PXDNL: variants seen among roughly 807,000 people sequenced by gnomAD.
PXDNL encodes probable oxidoreductase PXDNL.
A neutral mutation model predicts 150.8 loss-of-function variants in PXDNL; 145 were observed. That is an observed-to-expected ratio of 0.96 (90% confidence interval 0.84 to 1.10). The LOEUF is 1.10. Among genes scored for constraint, PXDNL ranks in the 50% least tolerant of loss-of-function variants. The pLI, the probability that PXDNL is intolerant of heterozygous loss-of-function variation, is 0.00. For missense variants in PXDNL, 2,087 were observed against 1,873.9 expected (o/e 1.11, Z -2.10); for synonymous variants, 757 against 725.7 (o/e 1.04, Z -0.69).
intron 5 of PXDNL, among the ~76,000 whole-genome samples, chr8:51,499,379 C>T (rs1245408674): frequency 3.3e-5 from 5 of 152,178 alleles, no homozygotes; most frequent in Admixed American, 2.6e-4. Context: ...GATCCGCCCA[C>T]CTCGGCCTCC....
rs190220168 is a variant in PXDNL, at chr8:51,595,598, T to C, written c.237-2900A>G. Among the ~76,000 whole-genome samples the C allele has an allele frequency of 4.3e-4, 65 of 152,292 alleles. No homozygotes were observed. In the East Asian group the frequency reaches 0.011, roughly 25 times the overall value. ...GGATACTCCAGAAATATGGTTCTGCTACTGTTAACATGAAAGGGTTGTGAA... is the reference window on the plus strand; with the variant it reads ...GGATACTCCAGAAATATGGTTCTGCCACTGTTAACATGAAAGGGTTGTGAA... On this transcript the variant is annotated intron_variant, in intron 2 of 22. Coordinates refer to ENST00000356297, the MANE Select transcript of PXDNL (RefSeq NM_144651.5).
intron 17 of PXDNL, among the ~76,000 whole-genome samples, chr8:51,376,589 T>C (rs1049228194): frequency 1.3e-5 from 2 of 152,188 alleles, no homozygotes; most frequent in African/African-American, 4.8e-5. Flanking sequence ...TTCCTATGCA[T>C]TTCACGAAAC....
intron 10 of PXDNL, among the ~76,000 whole-genome samples, chr8:51,451,798 A>T (rs1442109105): frequency 6.6e-6 from 1 of 152,206 alleles, no homozygotes; most frequent in Non-Finnish European, 1.5e-5. Context: ...TACATCTTAA[A>T]ATGTTTCATC....
chr8:51,745,367 CAAAT>C (rs2036971624), intron 1 of PXDNL, among the ~76,000 whole-genome samples: 1 of 152,136 alleles, frequency 6.6e-6, no homozygotes, highest in African/African-American at 2.4e-5. Context: ...ATCCAACAAA[CAAAT>C]AACAACAAAA....
intron 12 of PXDNL, among the ~76,000 whole-genome samples, chr8:51,428,223 A>T (rs1351590091): frequency 6.6e-6 from 1 of 152,180 alleles, no homozygotes; most frequent in Non-Finnish European, 1.5e-5. Flanking sequence ...TCAAAGATTT[A>T]AAAAAATGAA....
At position 51,766,718 on chromosome 8, in the gene PXDNL, CTTTA is replaced by C. The variant is rs528415877; in HGVS notation, c.164+42459_164+42462del. ...CAGCTATTAGTTTTATTGAGGATTA[CTTTA>C]TTTGTGATGCATCTTTTTTTTAAAA... On this transcript the variant is annotated intron_variant, in intron 1 of 22. Coordinates refer to ENST00000356297, the MANE Select transcript of PXDNL (RefSeq NM_144651.5). Among the ~76,000 whole-genome samples the C allele has an allele frequency of 6.0e-5, 9 of 151,228 alleles. No individual in the cohort carries two copies. The South Asian group carries it at 1.9e-3, about 32-fold the overall frequency.
intron 1 of PXDNL, among the ~76,000 whole-genome samples, chr8:51,763,022 T>G (rs1239680150): frequency 5.3e-5 from 8 of 152,138 alleles, no homozygotes; most frequent in Non-Finnish European, 7.4e-5. Flanking sequence ...TGTACAACCA[T>G]CACCACCACC....
At position 51,499,687 on chromosome 8, in the gene PXDNL, G is replaced by T; in HGVS notation, c.452+12C>A. 2.5e-6 allele frequency: 4 copies of T among 1,583,714 alleles called. No homozygotes were observed. The highest frequency in any genetic ancestry group is 3.5e-6 in the Non-Finnish European group (4 of 1,152,528). On this transcript the variant is annotated intron_variant, in intron 5 of 22. Coordinates refer to ENST00000356297, the MANE Select transcript of PXDNL (RefSeq NM_144651.5). ...AGCAGAAGCAAAGGACATCTAAAGG[G>T]TCAACACTTACAGTCGCTCTAATCT...
intron 1 of PXDNL, among the ~76,000 whole-genome samples, chr8:51,655,112 T>C (rs914054534): frequency 2.0e-5 from 3 of 152,224 alleles, no homozygotes; most frequent in Non-Finnish European, 4.4e-5. Context: ...TGAGTACATT[T>C]AGTTTGGAAA....
intron 3 of PXDNL, among the ~76,000 whole-genome samples, chr8:51,577,206 C>A (rs1216722875): frequency 1.3e-5 from 2 of 151,666 alleles, no homozygotes; most frequent in African/African-American, 2.4e-5. Flanking sequence ...AAGGAAACAA[C>A]ATATCAATAA....
intron 1 of PXDNL, among the ~76,000 whole-genome samples, chr8:51,668,980 T>C (rs1200998820): frequency 1.3e-5 from 2 of 152,066 alleles, no homozygotes; most frequent in Non-Finnish European, 1.5e-5. Context: ...TTGGAGAAAA[T>C]AAATATTAAT....
chr8:51,339,333 G>A (rs796514345), intron 21 of PXDNL, among the ~76,000 whole-genome samples: 6 of 152,258 alleles, frequency 3.9e-5, no homozygotes, highest in East Asian at 1.9e-4. Flanking sequence ...AGTGACGGAC[G>A]CCTGTAATCC....
intron 1 of PXDNL, among the ~76,000 whole-genome samples, chr8:51,719,976 A>T (rs1467624116): frequency 1.3e-5 from 2 of 152,110 alleles, no homozygotes; most frequent in African/African-American, 4.8e-5. Flanking sequence ...AGCAGAGCCA[A>T]AGGAACTGAG....
At chr8:51,328,833 C>A (rs563231606) in intron 21 of PXDNL, among the ~76,000 whole-genome samples, 6 of 152,096 alleles carry the variant, frequency 3.9e-5, no homozygotes, top group African/African-American at 1.4e-4. Context: ...GCCCTGGCAG[C>A]GGGAGGGGAA....
chr8:51,448,579 C>T (rs1809733289), intron 11 of PXDNL, among the ~76,000 whole-genome samples: 2 of 151,994 alleles, frequency 1.3e-5, no homozygotes, highest in African/African-American at 4.8e-5. Context: ...GTGGCGGGCA[C>T]CTGTAGTCCC....
chr8:51,773,418 G>C (rs557696588), intron 1 of PXDNL, among the ~76,000 whole-genome samples: 70 of 152,282 alleles, frequency 4.6e-4, no homozygotes, highest in African/African-American at 1.6e-3. Context: ...CCCTCTGGGA[G>C]AAGAAGGGGC....
intron 17 of PXDNL, among the ~76,000 whole-genome samples, chr8:51,390,362 C>G (rs1807854932): frequency 1.3e-5 from 2 of 152,096 alleles, no homozygotes. Context: ...GAAGTGGAAA[C>G]TCAGATAGAT....
chr8:51,366,060 G>A (rs1462447401), intron 19 of PXDNL, among the ~76,000 whole-genome samples: 2 of 152,194 alleles, frequency 1.3e-5, no homozygotes, highest in African/African-American at 4.8e-5. Flanking sequence ...CATTTACGAT[G>A]ATGACAGAGT....
intron 4 of PXDNL, among the ~76,000 whole-genome samples, chr8:51,506,164 T>G (rs1174130425): frequency 6.6e-6 from 1 of 152,196 alleles, no homozygotes; most frequent in Non-Finnish European, 1.5e-5. Context: ...GAATTATATT[T>G]ATTCTTAAAG....
Sources: gnomAD v4.1 joint callset for allele counts (sites outside exome capture counted in the v4.1 genomes callset) on GRCh38, gnomAD v4.1.1 for gene constraint, MANE v1.5 for transcripts, NCBI Gene and HGNC (gene_info 2026-07-23, HGNC 2026-07-21) for gene names.